EPB41L2: variants seen among roughly 807,000 people sequenced by gnomAD.
EPB41L2 encodes erythrocyte membrane protein band 4.1 like 2.
Under a neutral mutation model 113.0 loss-of-function variants are expected in EPB41L2, and 43 were observed. The observed-to-expected ratio is 0.38, with a 90% CI of 0.30 to 0.49. The LOEUF is 0.49. Among genes scored for constraint, EPB41L2 ranks in the 20% least tolerant of loss-of-function variants. The pLI is 0.95. For missense variants in EPB41L2, 1,147 were observed against 1,223.4 expected, an observed-to-expected ratio of 0.94 and a Z score of 0.93; for synonymous variants, 442 against 436.7, an observed-to-expected ratio of 1.01 and a Z score of -0.15.
intron 8 of EPB41L2, among the ~76,000 whole-genome samples, chr6:130,895,955 T>A (rs1794515120): frequency 1.3e-5 from 2 of 152,196 alleles, no homozygotes. Flanking sequence ...CAAATTATTG[T>A]TTATCTCTAA....
intron 1 of EPB41L2, among the ~76,000 whole-genome samples, chr6:130,957,202 A>C (rs2128624716): frequency 6.6e-6 from 1 of 152,350 alleles, no homozygotes; most frequent in South Asian, 2.1e-4. Flanking sequence ...TATATATAAG[A>C]AAAATATTTA....
At chr6:131,021,912 T>C (rs1789600753) in intron 1 of EPB41L2, among the ~76,000 whole-genome samples, 1 of 152,312 alleles carries the variant, frequency 6.6e-6, no homozygotes, top group Non-Finnish European at 1.5e-5. Flanking sequence ...TACCAGGGAC[T>C]GGTTTCGTGG....
At chr6:130,925,201 T>TTTC in intron 4 of EPB41L2, among the ~76,000 whole-genome samples, 1 of 149,972 alleles carries the variant, frequency 6.7e-6, no homozygotes, top group South Asian at 2.1e-4. Flanking sequence ...TTTTTTTTTT[T>TTTC]TTTTTGAGAC....
In EPB41L2 at chr6:130,987,187, TC is replaced by T. The variant is rs111258943; in HGVS notation, c.-14-30689del. Among the ~76,000 whole-genome samples the T allele has an allele frequency of 3.1e-3, 469 of 152,330 alleles. 4 individuals are homozygous for T. Among genetic ancestry groups the T allele is most frequent in the African/African-American group, 0.01 (416 of 41,572 alleles). ...TTAGTATGAATAGCCACTATGAACATCCGTGTATAATTTATTGTGTGGTCAT... is the reference window on the plus strand; with the variant it reads ...TTAGTATGAATAGCCACTATGAACATCGTGTATAATTTATTGTGTGGTCAT... On this transcript the variant is annotated intron_variant, in intron 1 of 19. Transcript: ENST00000337057.
rs145394947 is a variant in EPB41L2, at chr6:130,911,342, G to A, written c.811-2479C>T. Among the ~76,000 whole-genome samples the A allele has an allele frequency of 8.5e-5, 13 of 152,204 alleles. No homozygotes were observed. The East Asian group carries it at 2.5e-3, about 29-fold the overall frequency. ...AATGAGAACACATGGACACGGAGAG[G>A]GGAACATCACACACCAGGGCCTGTT... On this transcript the variant is annotated intron_variant, in intron 4 of 19. Coordinates refer to ENST00000337057, the MANE Select transcript of EPB41L2 (RefSeq NM_001431.4).
At chr6:130,845,410 C>T (rs1348407829) in intron 19 of EPB41L2, among the ~76,000 whole-genome samples, 1 of 151,908 alleles carries the variant, frequency 6.6e-6, no homozygotes, top group East Asian at 1.9e-4. Flanking sequence ...CAGGGTCTTG[C>T]TCTGTCACCC....
intron 14 of EPB41L2, 134 bp from the exon 15 acceptor site, chr6:130,870,260 A>T: frequency 2.0e-6 from 3 of 1,538,210 alleles, no homozygotes; most frequent in Non-Finnish European, 1.8e-6. Context: ...ACTGAAAGGG[A>T]AGCGGGGCAA....
Position 130,857,928 on chromosome 6 carries a change from CAG to C in EPB41L2, c.*5+201_*5+202del, listed in dbSNP as rs201075755. The stretch of plus-strand genomic sequence containing the variant: ...AATCATTAGCAGCCCCTCAATAAAT[CAG>C]AGTTATTGACACCACATGACCATCA... On this transcript the variant is annotated intron_variant, in intron 19 of 19. Coordinates refer to ENST00000337057, the MANE Select transcript of EPB41L2 (RefSeq NM_001431.4). Among the ~76,000 whole-genome samples, 1,006 of 152,280 alleles carry C rather than the reference CAG, an allele frequency of 6.6e-3. 17 individuals carry two copies. The highest frequency in any genetic ancestry group is 0.023 in the African/African-American group (968 of 41,548).
At chr6:130,887,136 TAA>T (rs546411024) in intron 11 of EPB41L2, among the ~76,000 whole-genome samples, 35 of 152,370 alleles carry the variant, frequency 2.3e-4, no homozygotes, top group African/African-American at 7.5e-4. Context: ...AATATCAAAT[TAA>T]AAGTTATTAA....
chr6:131,050,107 G>A (rs1384302947), intron 1 of EPB41L2, among the ~76,000 whole-genome samples: 2 of 152,208 alleles, frequency 1.3e-5, no homozygotes, highest in African/African-American at 4.8e-5. Context: ...GGGAGGTCAA[G>A]GAGGGCAGAT....
intron 11 of EPB41L2, among the ~76,000 whole-genome samples, chr6:130,886,880 T>A (rs931175133): frequency 6.6e-6 from 1 of 152,104 alleles, no homozygotes; most frequent in African/African-American, 2.4e-5. Context: ...TGATCTGCCC[T>A]CCTTGGCCTC....
At chr6:131,019,680 C>A (rs1297487885) in intron 1 of EPB41L2, among the ~76,000 whole-genome samples, 2 of 151,990 alleles carry the variant, frequency 1.3e-5, no homozygotes, top group Non-Finnish European at 2.9e-5. Context: ...ACAATCAATT[C>A]TTTAAAGAAG....
At chr6:130,941,833 C>T (rs913448158) in intron 3 of EPB41L2, among the ~76,000 whole-genome samples, 6 of 152,188 alleles carry the variant, frequency 3.9e-5, no homozygotes, top group African/African-American at 1.4e-4. Flanking sequence ...CTTGTGCCCT[C>T]AGGTGCCTCT....
At chr6:131,048,518 T>G (rs1324685099) in intron 1 of EPB41L2, among the ~76,000 whole-genome samples, 1 of 152,220 alleles carries the variant, frequency 6.6e-6, no homozygotes, top group Non-Finnish European at 1.5e-5. Flanking sequence ...ATGAGCTTTA[T>G]TTGGGAGACC....
Position 130,870,101 on chromosome 6 carries a change from A to G in EPB41L2, c.2069T>C (p.Val690Ala). Residue 690 changes from valine (V) to alanine (A), a missense_variant, in exon 15 of 20, where the codon GTG becomes GCG. Physicochemically the swap from Val to Ala is moderately conservative, Grantham distance 64. Coordinates refer to ENST00000337057, the MANE Select transcript of EPB41L2 (RefSeq NM_001431.4). ...AACCTCTGCCCGCTTCTTCTCCTCC[A>G]CTATATTCAGAGTCTCATGTGAACT... ...QGSSHETLNI[V>A]EEKKRAEVGK... 1 of 1,612,652 alleles carries G rather than the reference A, an allele frequency of 6.2e-7. No individual in the cohort carries two copies. The highest frequency in any genetic ancestry group is 8.5e-7 in the Non-Finnish European group (1 of 1,179,104).
At chr6:131,033,687 A>C (rs1160075364) in intron 1 of EPB41L2, among the ~76,000 whole-genome samples, 6 of 152,366 alleles carry the variant, frequency 3.9e-5, no homozygotes, top group South Asian at 4.1e-4. Flanking sequence ...CAGATAAAGA[A>C]AGACAAATAT....
chr6:130,904,109 C>T (rs1348503988), intron 6 of EPB41L2, among the ~76,000 whole-genome samples: 1 of 152,048 alleles, frequency 6.6e-6, no homozygotes, highest in Admixed American at 6.5e-5. Flanking sequence ...TAATATGAGA[C>T]TAGTATATAA....
intron 3 of EPB41L2, among the ~76,000 whole-genome samples, chr6:130,932,790 C>T (rs531680943): frequency 6.6e-6 from 1 of 152,336 alleles, no homozygotes; most frequent in East Asian, 1.9e-4. Context: ...GACTAGTAGG[C>T]CAAAAGATAG....
intron 19 of EPB41L2, among the ~76,000 whole-genome samples, chr6:130,847,844 A>G (rs1777494662): frequency 6.6e-6 from 1 of 152,190 alleles, no homozygotes; most frequent in Non-Finnish European, 1.5e-5. Flanking sequence ...AGCGTTCTAC[A>G]AAATCTTAAA....
Sources: gnomAD v4.1 joint callset for allele counts (sites outside exome capture counted in the v4.1 genomes callset) on GRCh38, gnomAD v4.1.1 for gene constraint, MANE v1.5 for transcripts, NCBI Gene and HGNC (gene_info 2026-07-23, HGNC 2026-07-21) for gene names.